The following DCC variants were observed in gnomAD, a reference collection of about 807,000 sequenced individuals.
The protein encoded by DCC is DCC netrin 1 receptor, also known as netrin receptor DCC.
A neutral mutation model predicts 172.5 loss-of-function variants in DCC; 58 were observed. The ratio of observed to expected loss-of-function variants is 0.34; its 90% CI spans 0.27 to 0.42. DCC has a LOEUF of 0.42. DCC is among the 10% of genes least tolerant of loss of function. The pLI is 1.00. For synonymous variants in DCC, 709 were observed against 644.5 expected (o/e 1.10, Z -1.52); for missense variants, 1,740 against 1,791.0 (o/e 0.97, Z 0.51).
At position 52,749,529 on chromosome 18, in the gene DCC, G is replaced by A. The variant is rs1052814241; in HGVS notation, c.92-2525G>A. ...TCACTAATGCAAGTTACTTAAAGCAGTGAGGTGCCTATATCCCAAAGCCAT... is the reference window on the plus strand; with the variant it reads ...TCACTAATGCAAGTTACTTAAAGCAATGAGGTGCCTATATCCCAAAGCCAT... On this transcript the variant is annotated intron_variant, in intron 1 of 28. Transcript: ENST00000442544. Among the ~76,000 whole-genome samples, 3 of 152,326 alleles carry A rather than the reference G, an allele frequency of 2.0e-5. No individual in the cohort carries two copies. The East Asian group carries it at 5.8e-4, about 29-fold the overall frequency.
chr18:53,428,803 T>C (rs1331028547), intron 21 of DCC, among the ~76,000 whole-genome samples: 1 of 33,824 alleles, frequency 3.0e-5, no homozygotes, highest in African/African-American at 8.9e-5. Flanking sequence ...TTATATATTA[T>C]ATATTTTATA....
intron 26 of DCC, among the ~76,000 whole-genome samples, chr18:53,493,771 G>C (rs1198831320): frequency 6.6e-6 from 1 of 151,990 alleles, no homozygotes; most frequent in Admixed American, 6.6e-5. Flanking sequence ...CTTCAGTTCT[G>C]CTCTGATCTT....
intron 1 of DCC, among the ~76,000 whole-genome samples, chr18:52,696,413 C>T (rs2036012151): frequency 6.6e-6 from 1 of 152,160 alleles, no homozygotes; most frequent in African/African-American, 2.4e-5. Context: ...AGTCTATGAT[C>T]ACCCCAAATT....
chr18:53,075,516 G>A (rs1490363156), intron 7 of DCC, among the ~76,000 whole-genome samples: 3 of 151,070 alleles, frequency 2.0e-5, no homozygotes, highest in Non-Finnish European at 4.4e-5. Flanking sequence ...TCATACTTCA[G>A]TGGTAAATAT....
chr18:53,134,290 C>T (rs1458766818), intron 7 of DCC, among the ~76,000 whole-genome samples: 3 of 152,198 alleles, frequency 2.0e-5, no homozygotes, highest in South Asian at 4.1e-4. Flanking sequence ...TTAACAGTGG[C>T]TTTTCTACTT....
chr18:52,560,728 T>G (rs769038260), intron 1 of DCC, among the ~76,000 whole-genome samples: 1 of 152,350 alleles, frequency 6.6e-6, no homozygotes, highest in African/African-American at 2.4e-5. Flanking sequence ...GAACCCCCTT[T>G]GAAATGTATC....
intron 1 of DCC, among the ~76,000 whole-genome samples, chr18:52,646,847 C>G (rs1176531508): frequency 6.6e-6 from 1 of 152,148 alleles, no homozygotes; most frequent in Non-Finnish European, 1.5e-5. Flanking sequence ...CGAGCTCCCT[C>G]TCTTTTCCTG....
At chr18:52,479,355 A>T (rs555217796) in intron 1 of DCC, among the ~76,000 whole-genome samples, 2 of 152,302 alleles carry the variant, frequency 1.3e-5, no homozygotes, top group East Asian at 1.9e-4. Flanking sequence ...AGCTTGAAAA[A>T]TTTAACTTAG....
At chr18:52,509,338 T>A (rs935068885) in intron 1 of DCC, among the ~76,000 whole-genome samples, 1 of 152,196 alleles carries the variant, frequency 6.6e-6, no homozygotes, top group South Asian at 2.1e-4. Context: ...AGTGAAAATA[T>A]TTTCACTTGT....
chr18:53,217,511 C>G (rs539909183), intron 12 of DCC, among the ~76,000 whole-genome samples: 69 of 152,072 alleles, frequency 4.5e-4, no homozygotes, highest in Admixed American at 6.6e-4. Context: ...AAGTCACACT[C>G]CCTCTCTCCT....
At chr18:53,123,611 G>A (rs139440907) in intron 7 of DCC, among the ~76,000 whole-genome samples, 43 of 152,114 alleles carry the variant, frequency 2.8e-4, no homozygotes, top group African/African-American at 9.9e-4. Context: ...TTTTTAAGTA[G>A]GAATGCTCTT....
At chr18:53,073,793 G>A (rs1462919698) in intron 7 of DCC, among the ~76,000 whole-genome samples, 4 of 151,658 alleles carry the variant, frequency 2.6e-5, no homozygotes, top group South Asian at 2.1e-4. Flanking sequence ...ACATCAAGAC[G>A]TAAAACCAGA....
Position 53,428,275 on chromosome 18 carries a change from T to G in DCC, c.3164-6869T>G, listed in dbSNP as rs1256219164. 9.0e-5 allele frequency among the ~76,000 whole-genome samples: 9 copies of G among 100,456 alleles called. 2 individuals carry two copies. Among genetic ancestry groups the G allele is most frequent in the Non-Finnish European group, 1.2e-4 (7 of 57,992 alleles). The allele number at this position is 100,456 out of a possible 152,430, so 65.9% of individuals were successfully genotyped here. A position where few individuals can be genotyped will look rare whatever the true frequency, so the allele number is the denominator to read the frequency against. ...ATTTAATAATATATTATATAGAATA[T>G]AATAAATTATATAGAATATAATAAT... is the stretch of plus-strand genomic sequence containing the variant. On this transcript the variant is annotated intron_variant, in intron 21 of 28. Transcript: ENST00000442544.
intron 1 of DCC, among the ~76,000 whole-genome samples, chr18:52,600,485 A>G (rs1318292240): frequency 6.6e-6 from 1 of 152,172 alleles, no homozygotes; most frequent in Non-Finnish European, 1.5e-5. Context: ...TGCCTTTTTA[A>G]CATTTTGTTT....
intron 7 of DCC, among the ~76,000 whole-genome samples, chr18:53,118,426 A>G (rs1317566860): frequency 6.6e-6 from 1 of 151,774 alleles, no homozygotes; most frequent in Non-Finnish European, 1.5e-5. Flanking sequence ...TGATTATTCC[A>G]TGTCATTCTT....
At chr18:52,519,837 C>T (rs2031754534) in intron 1 of DCC, among the ~76,000 whole-genome samples, 1 of 152,102 alleles carries the variant, frequency 6.6e-6, no homozygotes, top group African/African-American at 2.4e-5. Flanking sequence ...AGATGAAGAA[C>T]TTTCAATGAA....
chr18:53,488,762 A>T (rs1057326043), intron 26 of DCC, among the ~76,000 whole-genome samples: 2 of 152,210 alleles, frequency 1.3e-5, no homozygotes, highest in African/African-American at 4.8e-5. Flanking sequence ...GAGAGTGAGT[A>T]GGTTGTGTGT....
chr18:52,418,073 C>T (rs1243187085), intron 1 of DCC, among the ~76,000 whole-genome samples: 1 of 152,156 alleles, frequency 6.6e-6, no homozygotes, highest in African/African-American at 2.4e-5. Flanking sequence ...TTCTTTAGTT[C>T]ACTTGCTCCA....
Position 53,450,619 on chromosome 18 carries a change from G to T in DCC, c.3349G>T (p.Val1117Leu). Residue 1117 changes from valine (V) to leucine (L), a missense_variant, in exon 23 of 29, where the codon GTG (valine) becomes TTG (leucine). By Grantham distance (32) the Val-to-Leu change is conservative (BLOSUM62 1). This residue lies in a region of DCC where 1,732 missense variants were observed against 1,767.4 expected (regional missense o/e 0.98). Transcript: ENST00000442544. The part of the protein sequence containing the change: ...GVITVLVVVI[V>L]AVICTRRSSA... ...CATCACAGTGCTGGTAGTGGTCATC[G>T]TGGCTGTGATTTGCACCCGACGCTC... The T allele has an allele frequency of 6.2e-7, 1 of 1,611,802 alleles. No homozygotes were observed.
Sources: allele counts gnomAD v4.1 joint callset (sites outside exome capture counted in the v4.1 genomes callset), GRCh38; gene constraint gnomAD v4.1.1; regional missense constraint gnomAD v4.1.1; transcripts MANE v1.5; gene names NCBI Gene and HGNC (gene_info 2026-07-23, HGNC 2026-07-21).